Variants in CDH12 observed in about 807,000 individuals in gnomAD.
CDH12 encodes the protein cadherin-12.
Under a neutral mutation model 74.1 loss-of-function variants are expected in CDH12, and 41 were observed. The ratio of observed to expected loss-of-function variants is 0.55; its 90% CI spans 0.43 to 0.72. The LOEUF (loss-of-function observed/expected upper bound fraction) is 0.72. Among genes scored for constraint, CDH12 ranks in the 30% least tolerant of loss-of-function variants. CDH12 has a pLI of 0.00. For synonymous variants in CDH12, 399 were observed against 355.0 expected (o/e 1.12, Z -1.39); for missense variants, 945 against 977.2 (o/e 0.97, Z 0.44).
At chr5:22,218,789 CAG>C (rs1371339748) in intron 3 of CDH12, among the ~76,000 whole-genome samples, 1 of 151,684 alleles carries the variant, frequency 6.6e-6, no homozygotes, top group African/African-American at 2.4e-5. Flanking sequence ...TTTAATAAAA[CAG>C]AATCACAATT....
At chr5:22,548,352 C>A (rs912894923) in intron 1 of CDH12, among the ~76,000 whole-genome samples, 1 of 152,126 alleles carries the variant, frequency 6.6e-6, no homozygotes, top group African/African-American at 2.4e-5. Context: ...GTTTCCAATG[C>A]TTCTGCAACC....
intron 7 of CDH12, among the ~76,000 whole-genome samples, chr5:21,842,612 AAGT>A (rs1749935534): frequency 6.6e-6 from 1 of 152,166 alleles, no homozygotes; most frequent in African/African-American, 2.4e-5. Flanking sequence ...TAAGTAAGCC[AAGT>A]TAGACATGAT....
intron 1 of CDH12, among the ~76,000 whole-genome samples, chr5:22,690,856 C>A (rs903213357): frequency 3.9e-5 from 6 of 151,992 alleles, no homozygotes; most frequent in African/African-American, 7.2e-5. Flanking sequence ...TCAGTCTTTT[C>A]ACTATTTCTC....
intron 5 of CDH12, among the ~76,000 whole-genome samples, chr5:21,990,893 A>G (rs1285404258): frequency 1.3e-5 from 2 of 151,888 alleles, no homozygotes; most frequent in East Asian, 3.9e-4. Flanking sequence ...ATTTAAACTG[A>G]ATCATCTCAC....
At chr5:22,710,615 G>A (rs548001098) in intron 1 of CDH12, among the ~76,000 whole-genome samples, 63 of 152,242 alleles carry the variant, frequency 4.1e-4, no homozygotes, top group Non-Finnish European at 6.9e-4. Flanking sequence ...AACTTCAGAT[G>A]CAATTGAATA....
intron 2 of CDH12, among the ~76,000 whole-genome samples, chr5:22,421,467 T>A (rs1743650239): frequency 6.6e-6 from 1 of 152,182 alleles, no homozygotes. Context: ...GTTATTTCGC[T>A]GAGAATGATA....
chr5:22,033,063 C>A (rs763804372), intron 5 of CDH12, among the ~76,000 whole-genome samples: 12 of 148,804 alleles, frequency 8.1e-5, no homozygotes, highest in Non-Finnish European at 1.8e-4. Context: ...TGGGGCCAGG[C>A]TGACTCAGAC....
intron 3 of CDH12, among the ~76,000 whole-genome samples, chr5:22,354,370 C>T (rs1740478924): frequency 6.6e-6 from 1 of 152,164 alleles, no homozygotes; most frequent in African/African-American, 2.4e-5. Context: ...CCATCACCAC[C>T]AGTGGTGGGG....
At position 22,591,650 on chromosome 5, in the gene CDH12, A is replaced by T. The variant is rs553735622; in HGVS notation, c.-522-86286T>A. 9.2e-5 allele frequency among the ~76,000 whole-genome samples: 14 copies of T among 152,266 alleles called. No individual in the cohort carries two copies. In the South Asian group the frequency reaches 2.7e-3, roughly 29 times the overall value. ...CATTCAGTATCTTAGTTTCCAGAAC[A>T]TCACTGCCCTATTGGAGTCACTGTC... On this transcript the variant is annotated intron_variant, in intron 1 of 14. Transcript: ENST00000382254.
intron 3 of CDH12, among the ~76,000 whole-genome samples, chr5:22,326,385 G>A (rs77886210): frequency 0.43 from 64,527 of 151,304 alleles, 13,701 homozygotes; most frequent in South Asian, 0.49. Context: ...ACAGGCACCC[G>A]CAACCACGCC....
At chr5:22,353,669 C>A (rs1740446335) in intron 3 of CDH12, among the ~76,000 whole-genome samples, 1 of 152,032 alleles carries the variant, frequency 6.6e-6, no homozygotes, top group African/African-American at 2.4e-5. Context: ...AAATACAGAC[C>A]TATATGCAAA....
chr5:22,814,661 A>G (rs1185940999), intron 1 of CDH12, among the ~76,000 whole-genome samples: 1 of 152,200 alleles, frequency 6.6e-6, no homozygotes, highest in Non-Finnish European at 1.5e-5. Flanking sequence ...GTAGCTAAGT[A>G]TAATTATGTT....
chr5:22,505,273 T>A lies in CDH12; in HGVS notation c.-431A>T. On this transcript the variant is annotated 5_prime_UTR_variant, in exon 2 of 15. Transcript: ENST00000382254. ...TGATAAGATTTTTTTTACCTACCTTTAAAAAGGCTGGCATTCTTTAAAACT... is the reference window on the plus strand; with the variant it reads ...TGATAAGATTTTTTTTACCTACCTTAAAAAAGGCTGGCATTCTTTAAAACT... 1.0e-6 allele frequency: 1 copy of A among 978,038 alleles called. No homozygotes were observed. The highest frequency in any genetic ancestry group is 4.7e-5 in the South Asian group (1 of 21,142). 60.6% of individuals were successfully genotyped at this position (978,038 alleles called of 1,614,324 possible).
chr5:22,687,961 T>C (rs1048577572), intron 1 of CDH12, among the ~76,000 whole-genome samples: 8 of 152,160 alleles, frequency 5.3e-5, no homozygotes, highest in African/African-American at 1.9e-4. Flanking sequence ...TGGTAGGATA[T>C]TGTGCATTTT....
Position 22,051,580 on chromosome 5 carries a change from C to T in CDH12, c.231+26866G>A, listed in dbSNP as rs144936660. 5.2e-3 allele frequency among the ~76,000 whole-genome samples: 789 copies of T among 152,152 alleles called. 7 individuals are homozygous for T. Among genetic ancestry groups the T allele is most frequent in the African/African-American group, 0.018 (747 of 41,540 alleles). On this transcript the variant is annotated intron_variant, in intron 5 of 14. Coordinates refer to ENST00000382254, the MANE Select transcript of CDH12 (RefSeq NM_004061.5). ...ACAGTGACCTTGGTCACGCTGTATT[C>T]TTTCTCTAAGTGTTATTTTTGATAT...
intron 11 of CDH12, among the ~76,000 whole-genome samples, chr5:21,768,583 A>G (rs1745152604): frequency 1.3e-5 from 2 of 151,992 alleles, no homozygotes; most frequent in Admixed American, 6.6e-5. Context: ...GCAAATTACC[A>G]AAACTGACTC....
intron 4 of CDH12, among the ~76,000 whole-genome samples, chr5:22,173,571 A>AT (rs1268680139): frequency 6.6e-6 from 1 of 151,386 alleles, no homozygotes; most frequent in Non-Finnish European, 1.5e-5. Context: ...ATATTCAAAT[A>AT]TTTTGAAGAA....
chr5:22,441,509 T>G (rs2126542077), intron 2 of CDH12, among the ~76,000 whole-genome samples: 1 of 152,272 alleles, frequency 6.6e-6, no homozygotes, highest in East Asian at 1.9e-4. Flanking sequence ...CTTTAAGTTT[T>G]AATTAAGGCC....
chr5:22,585,988 G>A (rs1241321547), intron 1 of CDH12, among the ~76,000 whole-genome samples: 1 of 152,008 alleles, frequency 6.6e-6, no homozygotes, highest in Admixed American at 6.6e-5. Context: ...TCCCATTACT[G>A]GGTATATACC....
Sources: gnomAD v4.1 joint callset for allele counts (sites outside exome capture counted in the v4.1 genomes callset) on GRCh38, gnomAD v4.1.1 for gene constraint, MANE v1.5 for transcripts, NCBI Gene and HGNC (gene_info 2026-07-23, HGNC 2026-07-21) for gene names.